The following IMPG2 variants were observed in gnomAD, a reference collection of about 807,000 sequenced individuals.
IMPG2 encodes IPM 200.
A neutral mutation model predicts 129.2 loss-of-function variants in IMPG2; 91 were observed. The ratio of observed to expected loss-of-function variants is 0.70; its 90% CI spans 0.59 to 0.84. The LOEUF (loss-of-function observed/expected upper bound fraction) is 0.84. Among genes scored for constraint, IMPG2 ranks in the 40% least tolerant of loss-of-function variants. The pLI is 0.00. For synonymous variants in IMPG2, 510 were observed against 517.7 expected, an observed-to-expected ratio of 0.99 and a Z score of 0.20; for missense variants, 1,430 against 1,461.7, an observed-to-expected ratio of 0.98 and a Z score of 0.35.
In IMPG2 at chr3:101,244,429, T is replaced by C. The variant is rs1460066323; in HGVS notation, c.1902A>G (p.Glu634=). Residue 634 remains glutamate, a synonymous_variant, in exon 13 of 19, where the codon GAA becomes GAG. Coordinates refer to ENST00000193391, the MANE Select transcript of IMPG2 (RefSeq NM_016247.4). ...CAGCTGGCAAAAGTGAATCATCATC[T>C]TCAAGCCACGGCTTGGACAGTGGTT... ...SAEPLSKPWL[E]DDDSLLPAEI... 1 of 1,614,196 alleles carries C rather than the reference T, an allele frequency of 6.2e-7. No homozygotes were observed. The highest frequency in any genetic ancestry group is 8.5e-7 in the Non-Finnish European group (1 of 1,180,016).
At chr3:101,250,353 C>T (rs1706530573) in intron 11 of IMPG2, among the ~76,000 whole-genome samples, 1 of 152,138 alleles carries the variant, frequency 6.6e-6, no homozygotes, top group Non-Finnish European at 1.5e-5. Context: ...AAAACATCAG[C>T]TCTTGTCTTG....
Position 101,304,152 on chromosome 3 carries a change from G to T in IMPG2, c.495C>A (p.Ile165=). The T allele has an allele frequency of 6.2e-7, 1 of 1,613,652 alleles. No individual in the cohort carries two copies. Among genetic ancestry groups the T allele is most frequent in the Non-Finnish European group, 8.5e-7 (1 of 1,179,652 alleles). Residue 165 remains isoleucine, a synonymous_variant, in exon 3 of 19, where the codon ATC becomes ATA. Coordinates refer to ENST00000193391, the MANE Select transcript of IMPG2 (RefSeq NM_016247.4). ...FSESVEHRSL[I]MKKLTYAKET... ...CCTTTGTTGTGACACTTACCTTCATGATTAAGCTTCTATGTTCCACAGATT... is the reference window on the plus strand; with the variant it reads ...CCTTTGTTGTGACACTTACCTTCATTATTAAGCTTCTATGTTCCACAGATT...
Position 101,273,604 on chromosome 3 carries a change from G to C in IMPG2, c.805C>G (p.Leu269Val). 6.2e-7 allele frequency: 1 copy of C among 1,613,928 alleles called. No homozygotes were observed. The highest frequency in any genetic ancestry group is 8.5e-7 in the Non-Finnish European group (1 of 1,179,976). Reference sequence around the variant, plus strand: ...ACCTCTGAAATAAATTCTTCTTCAAGGTGCTGGTGGTGAAAGCTGGAGGAA... The same window carrying C: ...ACCTCTGAAATAAATTCTTCTTCAACGTGCTGGTGGTGAAAGCTGGAGGAA... ...QDSSSFHHQH[L>V]EEEFISEVEN... Residue 269 changes from leucine (L) to valine (V), a missense_variant, in exon 7 of 19, where the codon CTT becomes GTT. By Grantham distance (32) the Leu-to-Val change is conservative. Coordinates refer to ENST00000193391, the MANE Select transcript of IMPG2 (RefSeq NM_016247.4).
At chr3:101,298,966 T>G (rs1398543200) in intron 3 of IMPG2, among the ~76,000 whole-genome samples, 2 of 152,206 alleles carry the variant, frequency 1.3e-5, no homozygotes, top group Non-Finnish European at 2.9e-5. Context: ...TTGGGGAAGT[T>G]CTCCTGGATA....
chr3:101,314,695 C>T (rs1002443810), intron 2 of IMPG2, among the ~76,000 whole-genome samples: 4 of 151,920 alleles, frequency 2.6e-5, no homozygotes, highest in Admixed American at 6.6e-5. Context: ...AATACTATAC[C>T]TGGTAGAATC....
intron 5 of IMPG2, 91 bp downstream of exon 5, chr3:101,276,573 A>T: frequency 1.2e-6 from 1 of 827,372 alleles, no homozygotes; most frequent in Non-Finnish European, 2.0e-6. Flanking sequence ...TATTTTTAAA[A>T]GGTAAGCTGC....
intron 17 of IMPG2, 58 bp from the exon 18 acceptor site, chr3:101,228,934 T>A: frequency 8.2e-7 from 1 of 1,219,910 alleles, no homozygotes; most frequent in East Asian, 2.3e-5. Flanking sequence ...TCAACAGCCT[T>A]TTAAAAGGGG....
intron 13 of IMPG2, among the ~76,000 whole-genome samples, chr3:101,243,171 TTC>T (rs769708558): frequency 1.3e-3 from 198 of 152,338 alleles, no homozygotes; most frequent in Non-Finnish European, 1.4e-3. Flanking sequence ...AGAGAGTTTA[TTC>T]TCTGTTTCAC....
At chr3:101,265,273 A>C (rs1706710708) in intron 9 of IMPG2, among the ~76,000 whole-genome samples, 1 of 152,010 alleles carries the variant, frequency 6.6e-6, no homozygotes, top group Admixed American at 6.6e-5. Context: ...CTGATGATAT[A>C]TATCATACTA....
At chr3:101,241,538 T>C (rs754376777) in intron 14 of IMPG2, among the ~76,000 whole-genome samples, 1 of 152,114 alleles carries the variant, frequency 6.6e-6, no homozygotes, top group Non-Finnish European at 1.5e-5. Context: ...GGGGGCTATA[T>C]GGAGGATGGA....
intron 3 of IMPG2, among the ~76,000 whole-genome samples, chr3:101,300,236 G>A (rs558194662): frequency 3.3e-5 from 5 of 152,354 alleles, no homozygotes; most frequent in Admixed American, 6.5e-5. Flanking sequence ...GGAGCAAGCC[G>A]TCCAGCCTCC....
At position 101,246,438 on chromosome 3, in the gene IMPG2, G is replaced by T. The variant is rs565986632; in HGVS notation, c.1240-333C>A. 2.0e-5 allele frequency among the ~76,000 whole-genome samples: 3 copies of T among 152,276 alleles called. No homozygotes were observed. The South Asian group carries it at 6.2e-4, about 32-fold the overall frequency. On this transcript the variant is annotated intron_variant, in intron 11 of 18. Transcript: ENST00000193391. ...TTTCCTCTGTGTTTTTAGCTTAAAT[G>T]ACTTTAAATATATAGAAGTTACTGT...
At chr3:101,261,230 C>T (rs981043925) in intron 9 of IMPG2, among the ~76,000 whole-genome samples, 5 of 151,932 alleles carry the variant, frequency 3.3e-5, no homozygotes, top group African/African-American at 1.2e-4. Context: ...ACCTATTAAA[C>T]TTACTTCTAG....
At position 101,244,586 on chromosome 3, in the gene IMPG2, A is replaced by G; in HGVS notation, c.1745T>C (p.Val582Ala). ...GGATGCATCTGGCAGGAAAGGGCTC[A>G]CTTTTAATTGGTCTTTGACTTTGGA... is the stretch of plus-strand genomic sequence containing the variant. Reference protein sequence around the residue: ...LTSKVKDQLKVSPFLPDASME... With the variant: ...LTSKVKDQLKASPFLPDASME... The change falls in exon 13 of 19, where the codon GTG becomes GCG. Residue 582 changes from valine to alanine, a missense_variant. Transcript: ENST00000193391. 6.3e-7 allele frequency: 1 copy of G among 1,594,140 alleles called. No homozygotes were observed. The highest frequency in any genetic ancestry group is 8.5e-7 in the Non-Finnish European group (1 of 1,171,036).
Position 101,244,260 on chromosome 3 carries a change from C to T in IMPG2, c.2071G>A (p.Ala691Thr), listed in dbSNP as rs147163766. Residue 691 changes from alanine (A) to threonine (T), a missense_variant, in exon 13 of 19, where the codon GCA (alanine) becomes ACA (threonine). Transcript: ENST00000193391. ...PLSGPAVPIF[A>T]DTAAESASLT... ...GACGCAGATTCAGCTGCAGTATCTG[C>T]GAAGATGGGCACAGCAGGCCCACTA... is the stretch of plus-strand genomic sequence containing the variant. 61 of 1,613,948 alleles carry T rather than the reference C, an allele frequency of 3.8e-5. 1 individual carries two copies. The East Asian group carries it at 7.6e-4, about 20-fold the overall frequency.
intron 3 of IMPG2, among the ~76,000 whole-genome samples, chr3:101,293,643 G>A (rs1428096191): frequency 6.6e-6 from 1 of 152,158 alleles, no homozygotes; most frequent in Non-Finnish European, 1.5e-5. Context: ...GCCAGGTATT[G>A]ACTTCTCTCT....
chr3:101,226,533 C>A lies in IMPG2; in HGVS notation c.*436G>T. 1 of 158,422 alleles carries A rather than the reference C, an allele frequency of 6.3e-6. No homozygotes were observed. The allele number at this position is 158,422 out of a possible 1,614,324, so 9.8% of individuals were successfully genotyped here. A position where few individuals can be genotyped will look rare whatever the true frequency, so the allele number is the denominator to read the frequency against. On this transcript the variant is annotated 3_prime_UTR_variant, in exon 19 of 19. Coordinates refer to ENST00000193391, the MANE Select transcript of IMPG2 (RefSeq NM_016247.4). Reference sequence around the variant, plus strand: ...CTATTTCAAAGGTTTCCCCTTCTACCCAACAATAACAAATATGCTCCAAAA... The same window carrying A: ...CTATTTCAAAGGTTTCCCCTTCTACACAACAATAACAAATATGCTCCAAAA...
At chr3:101,247,578 C>A (rs1706496200) in intron 11 of IMPG2, among the ~76,000 whole-genome samples, 1 of 147,652 alleles carries the variant, frequency 6.8e-6, no homozygotes, top group African/African-American at 2.5e-5. Flanking sequence ...GCCTGGGCAA[C>A]AAGAGCAAAA....
At chr3:101,267,376 C>T (rs1246218704) in intron 9 of IMPG2, 135 bp downstream of exon 9, 10 of 791,212 alleles carry the variant, frequency 1.3e-5, no homozygotes, top group Non-Finnish European at 1.5e-5. Context: ...TTGACAAACC[C>T]TGATCTGAAA....
Sources: allele counts gnomAD v4.1 joint callset (sites outside exome capture counted in the v4.1 genomes callset), GRCh38; gene constraint gnomAD v4.1.1; transcripts MANE v1.5; gene names NCBI Gene and HGNC (gene_info 2026-07-23, HGNC 2026-07-21).